Variants in EHBP1 observed in about 807,000 individuals in gnomAD.
EHBP1 encodes the protein EH domain-binding protein 1.
EHBP1 carries 55 observed loss-of-function variants against 144.0 expected under a neutral mutation model. The ratio of observed to expected loss-of-function variants is 0.38; its 90% CI spans 0.31 to 0.48. The LOEUF (loss-of-function observed/expected upper bound fraction) is 0.48, where lower values mean the gene tolerates loss of function less well. EHBP1 is among the 20% of genes least tolerant of loss of function. The pLI, the probability that EHBP1 is intolerant of heterozygous loss-of-function variation, is 0.98. For synonymous variants in EHBP1, 469 were observed against 472.7 expected, an observed-to-expected ratio of 0.99 and a Z score of 0.10; for missense variants, 1,200 against 1,364.2, an observed-to-expected ratio of 0.88 and a Z score of 1.90.
At chr2:62,771,278 TG>T in intron 4 of EHBP1, 60 bp from the exon 5 acceptor site, 2 of 1,266,376 alleles carry the variant, frequency 1.6e-6, no homozygotes, top group Non-Finnish European at 2.2e-6. Flanking sequence ...TTTTCTTAAT[TG>T]GGTTTATTGG....
intron 10 of EHBP1, among the ~76,000 whole-genome samples, chr2:62,897,691 C>T (rs1363378904): frequency 6.6e-6 from 1 of 152,164 alleles, no homozygotes; most frequent in Non-Finnish European, 1.5e-5. Context: ...CTCAACATTT[C>T]TCTTGCTGCA....
chr2:62,711,034 G>A (rs1458024589), intron 2 of EHBP1, among the ~76,000 whole-genome samples: 1 of 152,162 alleles, frequency 6.6e-6, no homozygotes, highest in Non-Finnish European at 1.5e-5. Flanking sequence ...GGTGTGTTTT[G>A]TGGGATATGG....
At chr2:62,864,624 C>A in intron 8 of EHBP1, 107 bp from the exon 9 acceptor site, 1 of 1,083,806 alleles carries the variant, frequency 9.2e-7, no homozygotes. Context: ...TTCTCAGCCC[C>A]ATAGAGCTTA....
rs1553380186 is a variant in EHBP1 at position 62,729,518 on chromosome 2, A to AT, written c.105-17877_105-17876insT. 1.4e-4 allele frequency among the ~76,000 whole-genome samples: 12 copies of AT among 83,878 alleles called. No homozygotes were observed. The South Asian group carries it at 2.7e-3, about 19-fold the overall frequency. 55.0% of individuals were successfully genotyped at this position (83,878 alleles called of 152,430 possible). A position where few individuals can be genotyped will look rare whatever the true frequency, so the allele number is the denominator to read the frequency against. On this transcript the variant is annotated intron_variant, in intron 2 of 22. Transcript: ENST00000431489. ...AAATATATAATAAATATAATAAAAT[A>AT]AATAAATATAATATATATAATATAT...
chr2:62,769,796 A>G (rs904331075), intron 4 of EHBP1, among the ~76,000 whole-genome samples: 4 of 99,110 alleles, frequency 4.0e-5, no homozygotes, highest in Middle Eastern at 5.0e-3. Context: ...TGGTACTGGT[A>G]AAAAAAAAAA....
chr2:62,737,314 G>C (rs558435237), intron 2 of EHBP1, among the ~76,000 whole-genome samples: 2 of 152,262 alleles, frequency 1.3e-5, no homozygotes, highest in South Asian at 4.1e-4. Context: ...GTGAGAATGT[G>C]GTAAAGCTAC....
At chr2:62,742,052 C>G (rs1030456819) in intron 2 of EHBP1, among the ~76,000 whole-genome samples, 1 of 152,032 alleles carries the variant, frequency 6.6e-6, no homozygotes, top group Non-Finnish European at 1.5e-5. Context: ...TTAAAATTAC[C>G]TACAGTATTC....
intron 7 of EHBP1, among the ~76,000 whole-genome samples, chr2:62,835,634 C>T (rs1324129979): frequency 2.6e-5 from 4 of 152,070 alleles, no homozygotes; most frequent in African/African-American, 9.7e-5. Flanking sequence ...AGTGGGTGCG[C>T]GCACCGTGCG....
intron 1 of EHBP1, among the ~76,000 whole-genome samples, chr2:62,685,086 T>C (rs1463834708): frequency 6.6e-6 from 1 of 152,156 alleles, no homozygotes; most frequent in African/African-American, 2.4e-5. Flanking sequence ...AAGTTTGATT[T>C]TTTACAAGGT....
At chr2:62,761,994 T>C (rs896061811) in intron 3 of EHBP1, among the ~76,000 whole-genome samples, 7 of 152,080 alleles carry the variant, frequency 4.6e-5, no homozygotes, top group African/African-American at 1.4e-4. Context: ...AAACTGCTCT[T>C]GTAAAGTTAT....
chr2:62,727,657 A>C (rs192955873), intron 2 of EHBP1, among the ~76,000 whole-genome samples: 1 of 152,216 alleles, frequency 6.6e-6, no homozygotes, highest in African/African-American at 2.4e-5. Flanking sequence ...ATTGCTGAAT[A>C]ATCTATTATA....
At chr2:62,676,860 A>T (rs1469925674) in intron 1 of EHBP1, among the ~76,000 whole-genome samples, 2 of 152,198 alleles carry the variant, frequency 1.3e-5, no homozygotes, top group African/African-American at 2.4e-5. Flanking sequence ...ATAAGGGGAT[A>T]AAGATCTCTA....
chr2:63,021,593 G>T (rs1040956776), intron 19 of EHBP1, among the ~76,000 whole-genome samples: 8 of 152,092 alleles, frequency 5.3e-5, no homozygotes, highest in African/African-American at 1.9e-4. Flanking sequence ...GTTTCATCCT[G>T]ACTTCATCCC....
intron 10 of EHBP1, among the ~76,000 whole-genome samples, chr2:62,909,595 A>T (rs536263528): frequency 6.6e-6 from 1 of 152,312 alleles, no homozygotes; most frequent in African/African-American, 2.4e-5. Context: ...CTAAAAGGAA[A>T]ATATGTTTGG....
chr2:62,894,031 C>T (rs561571103), intron 10 of EHBP1, among the ~76,000 whole-genome samples: 3 of 148,418 alleles, frequency 2.0e-5, no homozygotes, highest in South Asian at 4.3e-4. Context: ...GGTGACAGAG[C>T]GAGACTCCGT....
chr2:62,922,958 T>C (rs2055202230), intron 10 of EHBP1, among the ~76,000 whole-genome samples: 1 of 152,200 alleles, frequency 6.6e-6, no homozygotes, highest in Non-Finnish European at 1.5e-5. Flanking sequence ...TCCATTTGGA[T>C]AGCTACCAGG....
chr2:63,036,602 G>A (rs1467378341), intron 19 of EHBP1, among the ~76,000 whole-genome samples: 1 of 151,824 alleles, frequency 6.6e-6, no homozygotes, highest in East Asian at 1.9e-4. Flanking sequence ...CAATAAACCA[G>A]TCATGGGAAA....
At chr2:62,904,645 C>T (rs2053659715) in intron 10 of EHBP1, among the ~76,000 whole-genome samples, 1 of 152,164 alleles carries the variant, frequency 6.6e-6, no homozygotes, top group South Asian at 2.1e-4. Flanking sequence ...TGTGGGGGTA[C>T]CCCTGGAGGA....
chr2:62,793,798 C>T (rs1433760846), intron 5 of EHBP1, among the ~76,000 whole-genome samples: 1 of 151,910 alleles, frequency 6.6e-6, no homozygotes, highest in Non-Finnish European at 1.5e-5. Context: ...GGGAAAAATA[C>T]AAGAGAGGTA....
Sources: gnomAD v4.1 joint callset for allele counts (sites outside exome capture counted in the v4.1 genomes callset) on GRCh38, gnomAD v4.1.1 for gene constraint, MANE v1.5 for transcripts, NCBI Gene and HGNC (gene_info 2026-07-23, HGNC 2026-07-21) for gene names.